The following TNKS variants were observed in gnomAD, a reference collection of about 807,000 sequenced individuals.
The protein encoded by TNKS is poly [ADP-ribose] polymerase tankyrase-1.
In TNKS, 72 loss-of-function variants were observed where a neutral mutation model predicts 135.8. The observed-to-expected ratio is 0.53, with a 90% CI of 0.44 to 0.64. The LOEUF (loss-of-function observed/expected upper bound fraction) is 0.64, where lower values mean the gene tolerates loss of function less well. Among genes scored for constraint, TNKS ranks in the 30% least tolerant of loss-of-function variants. The pLI is 0.00. For missense variants in TNKS, 1,769 were observed against 1,674.0 expected (o/e 1.06, Z -0.99); for synonymous variants, 849 against 649.3 (o/e 1.31, Z -4.68).
chr8:9,569,697 A>T (rs1797688066), intron 1 of TNKS, among the ~76,000 whole-genome samples: 1 of 152,202 alleles, frequency 6.6e-6, no homozygotes, highest in African/African-American at 2.4e-5. Flanking sequence ...TGATAAAAGC[A>T]ATATTTAGTT....
chr8:9,645,171 G>A (rs986290392), intron 3 of TNKS, among the ~76,000 whole-genome samples: 4 of 152,056 alleles, frequency 2.6e-5, no homozygotes, highest in African/African-American at 7.2e-5. Flanking sequence ...AGGGGAGGAC[G>A]GGTAAGCAGA....
intron 1 of TNKS, chr8:9,558,656 C>G (rs1312430882): frequency 6.6e-6 from 1 of 152,100 alleles, no homozygotes; most frequent in Non-Finnish European, 1.5e-5. Context: ...ACAATAGTTA[C>G]TTGTTATTCT....
chr8:9,575,117 C>A (rs779465593), intron 1 of TNKS: 9 of 965,964 alleles, frequency 9.3e-6, no homozygotes, highest in Middle Eastern at 5.3e-4. Context: ...CACGGAGTCT[C>A]GCTCTGTTGC....
Position 9,751,941 on chromosome 8 carries a change from G to C in TNKS, c.3070+95G>C, listed in dbSNP as rs1207753590. ...TGATAACTATTGAATGCCTCAATTA[G>C]AGACGTCCTGTCTGTAAATTTTCAT... On this transcript the variant is annotated intron_variant, in intron 19 of 26. Coordinates refer to ENST00000310430, the MANE Select transcript of TNKS (RefSeq NM_003747.3). The C allele has an allele frequency of 5.6e-6, 6 of 1,074,738 alleles. No homozygotes were observed. In the East Asian group the frequency reaches 1.4e-4, roughly 26 times the overall value. 66.6% of individuals were successfully genotyped at this position (1,074,738 alleles called of 1,614,324 possible). A position where few individuals can be genotyped will look rare whatever the true frequency, so the allele number is the denominator to read the frequency against.
At chr8:9,661,570 G>T (rs1411023505) in intron 3 of TNKS, among the ~76,000 whole-genome samples, 34 of 152,052 alleles carry the variant, frequency 2.2e-4, no homozygotes, top group African/African-American at 6.5e-4. Flanking sequence ...TTACACCTTA[G>T]ACAAAAATTA....
chr8:9,668,057 T>C (rs1012344182), intron 3 of TNKS, among the ~76,000 whole-genome samples: 1 of 152,210 alleles, frequency 6.6e-6, no homozygotes, highest in African/African-American at 2.4e-5. Context: ...CTTGTTCATT[T>C]AGTAGACTGC....
chr8:9,566,647 GCCGGA>G lies in TNKS; in HGVS notation c.673+10037_673+10041del, dbSNP rs1421812737. On this transcript the variant is annotated intron_variant, in intron 1 of 26. Transcript: ENST00000310430. ...GACGGAGTCTCGCTCTGTCGCCCAGGCCGGACTGCGGACTGCAGTGGCGCAATCTC... is the reference window on the plus strand; with the variant it reads ...GACGGAGTCTCGCTCTGTCGCCCAGGCTGCGGACTGCAGTGGCGCAATCTC... 18 of 137,744 alleles carry G rather than the reference GCCGGA, an allele frequency of 1.3e-4. No individual in the cohort carries two copies. In the East Asian group the frequency reaches 2.3e-3, roughly 17 times the overall value. 8.5% of individuals were successfully genotyped at this position (137,744 alleles called of 1,614,324 possible). A position where few individuals can be genotyped will look rare whatever the true frequency, so the allele number is the denominator to read the frequency against.
At chr8:9,682,305 G>A (rs1347831783) in intron 5 of TNKS, among the ~76,000 whole-genome samples, 2 of 152,000 alleles carry the variant, frequency 1.3e-5, no homozygotes, top group Admixed American at 1.3e-4. Flanking sequence ...AGCCGGAGTC[G>A]ATTTCTGTCA....
intron 5 of TNKS, among the ~76,000 whole-genome samples, chr8:9,687,658 G>A (rs1057430342): frequency 2.4e-4 from 36 of 152,226 alleles, no homozygotes; most frequent in Admixed American, 1.1e-3. Flanking sequence ...GCAGCAAGAT[G>A]ATAAAACTTA....
intron 24 of TNKS, 49 bp from the exon 25 acceptor site, chr8:9,766,190 C>A: frequency 6.6e-7 from 1 of 1,510,474 alleles, no homozygotes; most frequent in Non-Finnish European, 9.0e-7. Context: ...GGTAATTGAG[C>A]TTCTAGAAAA....
At chr8:9,771,493 T>C (rs866440979) in intron 26 of TNKS, among the ~76,000 whole-genome samples, 4 of 73,776 alleles carry the variant, frequency 5.4e-5, no homozygotes, top group Middle Eastern at 0.013. Flanking sequence ...GGGAAAGAGA[T>C]AAAGGGAAGG....
chr8:9,657,243 C>CA (rs1251584973), intron 3 of TNKS, among the ~76,000 whole-genome samples: 66 of 121,210 alleles, frequency 5.4e-4, no homozygotes, highest in African/African-American at 1.9e-3. Flanking sequence ...GCTGGCCGGG[C>CA]GGGGGGCCGA....
chr8:9,774,633 GATTA>G (rs1473595829), intron 26 of TNKS, among the ~76,000 whole-genome samples: 2 of 152,092 alleles, frequency 1.3e-5, no homozygotes, highest in Admixed American at 1.3e-4. Context: ...GACTGTAATT[GATTA>G]ATTAGTAACT....
intron 1 of TNKS, among the ~76,000 whole-genome samples, chr8:9,569,773 A>G (rs547058422): frequency 4.6e-5 from 7 of 152,296 alleles, no homozygotes; most frequent in African/African-American, 7.2e-5. Context: ...TTGGCATTAT[A>G]TCTCTTCGTA....
Position 9,694,839 on chromosome 8 carries a change from G to A in TNKS, c.1108-9824G>A, listed in dbSNP as rs1388141651. ...TAATTATATGGAACATTGGTATTTT[G>A]GAATCTCATTTAAAAATTTTGTTCA... On this transcript the variant is annotated intron_variant, in intron 5 of 26. Transcript: ENST00000310430. Among the ~76,000 whole-genome samples the A allele has an allele frequency of 4.0e-5, 6 of 151,410 alleles. No individual in the cohort carries two copies. In the South Asian group the frequency reaches 1.2e-3, roughly 32 times the overall value.
At chr8:9,647,882 T>A (rs1800975310) in intron 3 of TNKS, among the ~76,000 whole-genome samples, 1 of 152,230 alleles carries the variant, frequency 6.6e-6, no homozygotes, top group Non-Finnish European at 1.5e-5. Flanking sequence ...TATAGCGTAC[T>A]ACACACATAA....
intron 1 of TNKS, among the ~76,000 whole-genome samples, chr8:9,569,350 C>A (rs549347667): frequency 6.6e-6 from 1 of 152,302 alleles, no homozygotes; most frequent in East Asian, 1.9e-4. Flanking sequence ...TAGTGCCCTG[C>A]TCAAGAATCA....
intron 2 of TNKS, among the ~76,000 whole-genome samples, chr8:9,599,585 C>T (rs757946965): frequency 6.6e-6 from 1 of 152,178 alleles, no homozygotes; most frequent in Non-Finnish European, 1.5e-5. Context: ...CTTTGTTACA[C>T]TCAATCTTAC....
intron 2 of TNKS, among the ~76,000 whole-genome samples, chr8:9,584,588 T>C (rs1798297432): frequency 6.6e-6 from 1 of 152,192 alleles, no homozygotes; most frequent in Non-Finnish European, 1.5e-5. Context: ...CAGTCTAAGA[T>C]AGACAATGGT....
Sources: allele counts gnomAD v4.1 joint callset (sites outside exome capture counted in the v4.1 genomes callset), GRCh38; gene constraint gnomAD v4.1.1; transcripts MANE v1.5; gene names NCBI Gene and HGNC (gene_info 2026-07-23, HGNC 2026-07-21).